Variants in ELL observed in about 807,000 individuals in gnomAD.
The protein encoded by ELL is RNA polymerase II elongation factor ELL.
Under a neutral mutation model 64.0 loss-of-function variants are expected in ELL, and 18 were observed. The ratio of observed to expected loss-of-function variants is 0.28; its 90% confidence interval spans 0.19 to 0.42. The LOEUF (loss-of-function observed/expected upper bound fraction) is 0.42, where lower values mean the gene tolerates loss of function less well. Among genes scored for constraint, ELL ranks in the 10% least tolerant of loss-of-function variants. The pLI, the probability that ELL is intolerant of heterozygous loss-of-function variation, is 1.00. For missense variants in ELL, 797 were observed against 870.4 expected, an observed-to-expected ratio of 0.92 and a Z score of 1.06; for synonymous variants, 399 against 376.2, an observed-to-expected ratio of 1.06 and a Z score of -0.70.
At chr19:18,455,054 T>C (rs565932863) in intron 6 of ELL, among the ~76,000 whole-genome samples, 2 of 148,798 alleles carry the variant, frequency 1.3e-5, no homozygotes, top group South Asian at 4.3e-4. Flanking sequence ...GGCAGGAGAA[T>C]TGCTTGAACC....
At chr19:18,448,997 C>T (rs150599116) in intron 8 of ELL, among the ~76,000 whole-genome samples, 29 of 152,296 alleles carry the variant, frequency 1.9e-4, no homozygotes, top group African/African-American at 6.7e-4. Flanking sequence ...TAACATGGAC[C>T]ACCAGCACCA....
At chr19:18,491,008 T>C (rs1340878649) in intron 1 of ELL, among the ~76,000 whole-genome samples, 1 of 152,240 alleles carries the variant, frequency 6.6e-6, no homozygotes, top group Non-Finnish European at 1.5e-5. Flanking sequence ...AGTATCCAGC[T>C]GTTTGGCCAA....
intron 6 of ELL, among the ~76,000 whole-genome samples, chr19:18,455,701 C>A (rs1307242167): frequency 6.6e-6 from 1 of 151,602 alleles, no homozygotes; most frequent in Admixed American, 6.6e-5. Context: ...AACAGAGCAA[C>A]ACTCTGTCTC....
intron 7 of ELL, 85 bp downstream of exon 7, chr19:18,451,467 G>T: frequency 8.4e-7 from 1 of 1,188,622 alleles, no homozygotes; most frequent in Non-Finnish European, 1.1e-6. Context: ...CAAAGAGCTG[G>T]TGAGGAAGGT....
intron 2 of ELL, among the ~76,000 whole-genome samples, chr19:18,469,728 C>G (rs763879689): frequency 1.3e-5 from 2 of 152,258 alleles, no homozygotes; most frequent in Non-Finnish European, 2.9e-5. Flanking sequence ...CCCAAAGGCC[C>G]GCTCTGCCCT....
chr19:18,454,840 CAA>C lies in ELL; in HGVS notation c.870-3194_870-3193del, dbSNP rs563546343. Among the ~76,000 whole-genome samples the C allele has an allele frequency of 9.0e-4, 51 of 56,474 alleles. 2 individuals are homozygous for C. Among genetic ancestry groups the C allele is most frequent in the Admixed American group, 1.1e-3 (5 of 4,584 alleles). The allele number at this position is 56,474 out of a possible 152,430, so 37.0% of individuals were successfully genotyped here. ...TGGGCAACAGAGTGAGACTCAGTCT[CAA>C]AAAAAAAAAAAAAAAAGGCATCCTG... On this transcript the variant is annotated intron_variant, in intron 6 of 11. Coordinates refer to ENST00000262809, the MANE Select transcript of ELL (RefSeq NM_006532.4).
intron 1 of ELL, among the ~76,000 whole-genome samples, chr19:18,497,499 C>G (rs1411826474): frequency 1.3e-5 from 2 of 152,068 alleles, no homozygotes. Context: ...AAGAGTGTGT[C>G]CCAGTGGAAA....
chr19:18,508,428 C>T (rs1332154943), intron 1 of ELL, among the ~76,000 whole-genome samples: 1 of 152,252 alleles, frequency 6.6e-6, no homozygotes, highest in African/African-American at 2.4e-5. Flanking sequence ...TCTGCACTAA[C>T]TGTGTGATCT....
intron 1 of ELL, among the ~76,000 whole-genome samples, chr19:18,508,214 G>A (rs1278075642): frequency 3.3e-5 from 5 of 152,234 alleles, no homozygotes; most frequent in Admixed American, 6.5e-5. Context: ...AGGCCAAGGC[G>A]GGAGGATCAC....
At position 18,483,293 on chromosome 19, in the gene ELL, G is replaced by A. The variant is rs775060768; in HGVS notation, c.136-10411C>T. On this transcript the variant is annotated intron_variant, in intron 1 of 11. Coordinates refer to ENST00000262809, the MANE Select transcript of ELL (RefSeq NM_006532.4). ...CCCTGGATATTCCCCGGATGCCACCGCCCACCTGGCAGTTGCAGTGCAGGG... is the reference window on the plus strand; with the variant it reads ...CCCTGGATATTCCCCGGATGCCACCACCCACCTGGCAGTTGCAGTGCAGGG... 9.9e-5 allele frequency among the ~76,000 whole-genome samples: 15 copies of A among 152,138 alleles called. 1 individual carries two copies. Among genetic ancestry groups the A allele is most frequent in the South Asian group, 2.1e-4 (1 of 4,832 alleles).
intron 1 of ELL, among the ~76,000 whole-genome samples, chr19:18,516,560 C>T (rs376714561): frequency 1.4e-4 from 18 of 130,896 alleles, no homozygotes; most frequent in Non-Finnish European, 2.2e-4. Context: ...GTGGGTATCC[C>T]GCCCTGAGCC....
chr19:18,488,037 A>C (rs947781948), intron 1 of ELL, among the ~76,000 whole-genome samples: 1 of 152,210 alleles, frequency 6.6e-6, no homozygotes, highest in Admixed American at 6.5e-5. Flanking sequence ...GTCTCTGCCC[A>C]GTAATAACCT....
At position 18,444,986 on chromosome 19, in the gene ELL, T is replaced by C. The variant is rs1335903896; in HGVS notation, c.1750-118A>G. On this transcript the variant is annotated intron_variant, in intron 11 of 11. Transcript: ENST00000262809. The stretch of plus-strand genomic sequence containing the variant: ...TGGGCTTGGTGCCCAGCAAGGAGGG[T>C]TGTGGTCCAAGGGCAGAGTGGGAGT... 3 of 1,228,876 alleles carry C rather than the reference T, an allele frequency of 2.4e-6. No individual in the cohort carries two copies. In the East Asian group the frequency reaches 7.0e-5, roughly 29 times the overall value. 76.1% of individuals were successfully genotyped at this position (1,228,876 alleles called of 1,614,324 possible). A position where few individuals can be genotyped will look rare whatever the true frequency, so the allele number is the denominator to read the frequency against.
At chr19:18,505,938 T>A (rs1975877231) in intron 1 of ELL, among the ~76,000 whole-genome samples, 2 of 152,292 alleles carry the variant, frequency 1.3e-5, no homozygotes, top group South Asian at 4.1e-4. Context: ...ACCCCCACCC[T>A]GTGTCCTGCT....
intron 1 of ELL, among the ~76,000 whole-genome samples, chr19:18,480,250 GA>G (rs1401026040): frequency 6.6e-6 from 1 of 152,208 alleles, no homozygotes; most frequent in African/African-American, 2.4e-5. Flanking sequence ...AAATGATTGG[GA>G]AACGCTATTC....
intron 1 of ELL, among the ~76,000 whole-genome samples, chr19:18,490,435 G>A (rs1307613494): frequency 6.6e-6 from 1 of 152,180 alleles, no homozygotes; most frequent in East Asian, 1.9e-4. Context: ...CTGACTTGGT[G>A]GTGACCTCAC....
rs1299999525 is a variant in ELL, at chr19:18,456,017, A to T, written c.869+2188T>A. On this transcript the variant is annotated intron_variant, in intron 6 of 11. Coordinates refer to ENST00000262809, the MANE Select transcript of ELL (RefSeq NM_006532.4). ...GATGCTGAGGCAGGAGAATGGCTTG[A>T]ACCCAGGAGACGGACGTTGCTGTGA... is the stretch of plus-strand genomic sequence containing the variant. Among the ~76,000 whole-genome samples the T allele has an allele frequency of 2.6e-5, 4 of 152,188 alleles. No homozygotes were observed. The East Asian group carries it at 7.7e-4, about 29-fold the overall frequency.
intron 4 of ELL, among the ~76,000 whole-genome samples, chr19:18,464,680 T>C (rs1974899278): frequency 6.6e-6 from 1 of 152,242 alleles, no homozygotes; most frequent in Non-Finnish European, 1.5e-5. Flanking sequence ...CCATCAAGGC[T>C]GTCGTCTGCT....
At chr19:18,481,318 G>T (rs1379314164) in intron 1 of ELL, among the ~76,000 whole-genome samples, 6 of 152,150 alleles carry the variant, frequency 3.9e-5, no homozygotes, top group Non-Finnish European at 7.3e-5. Context: ...CGGACTGGGG[G>T]CCAGAAGTCT....
Sources: allele counts gnomAD v4.1 joint callset (sites outside exome capture counted in the v4.1 genomes callset), GRCh38; gene constraint gnomAD v4.1.1; transcripts MANE v1.5; gene names NCBI Gene and HGNC (gene_info 2026-07-23, HGNC 2026-07-21).